The following PRKAG2 variants were observed in gnomAD, a reference collection of about 807,000 sequenced individuals.
PRKAG2 encodes the protein protein kinase AMP-activated non-catalytic subunit gamma 2.
PRKAG2 carries 26 observed loss-of-function variants against 69.6 expected under a neutral mutation model. The ratio of observed to expected loss-of-function variants is 0.37; its 90% confidence interval spans 0.27 to 0.52. The LOEUF is 0.52. Ranked by LOEUF, PRKAG2 falls within the 20% of genes least tolerant of loss-of-function variation. The probability of loss-of-function intolerance (pLI) is 0.90; values close to 1 mark genes in which losing one functional copy is unlikely to be tolerated. For missense variants in PRKAG2, 557 were observed against 740.0 expected (o/e 0.75, Z 2.87); for synonymous variants, 293 against 285.0 (o/e 1.03, Z -0.28).
At chr7:151,795,846 C>CATATATAT (rs55657994) in intron 1 of PRKAG2, among the ~76,000 whole-genome samples, 25 of 56,786 alleles carry the variant, frequency 4.4e-4, no homozygotes, top group Non-Finnish European at 7.4e-4. Flanking sequence ...AAACAAATCT[C>CATATATAT]ATATATATAT....
At chr7:151,642,075 C>T (rs1826810843) in intron 4 of PRKAG2, among the ~76,000 whole-genome samples, 1 of 149,428 alleles carries the variant, frequency 6.7e-6, no homozygotes, top group Non-Finnish European at 1.5e-5. Context: ...GTGGCTCACA[C>T]CTATAATCCC....
chr7:151,838,699 C>G (rs2079204406), intron 1 of PRKAG2, among the ~76,000 whole-genome samples: 1 of 144,114 alleles, frequency 6.9e-6, no homozygotes, highest in East Asian at 2.2e-4. Context: ...AAAGCAAGAC[C>G]CTGTTTCAAA....
Position 151,719,148 on chromosome 7 carries a change from T to C in PRKAG2, c.467-43511A>G, listed in dbSNP as rs1796641743. Among the ~76,000 whole-genome samples the C allele has an allele frequency of 6.6e-6, 1 of 152,108 alleles. No homozygotes were observed. Among genetic ancestry groups the C allele is most frequent in the African/African-American group, 2.4e-5 (1 of 41,420 alleles). On this transcript the variant is annotated intron_variant, in intron 3 of 15. Transcript: ENST00000287878. This position sits in a 1 kb window ranked among gnomAD's most constrained non-coding sequence, Gnocchi z 5.2. The stretch of plus-strand genomic sequence containing the variant: ...GCGTTGCTCCGGGAGACGAGATGTA[T>C]CTTGCAACCAGCTCAGCGGTGGAAG...
At chr7:151,680,326 G>A (rs1833664782) in intron 3 of PRKAG2, among the ~76,000 whole-genome samples, 1 of 152,202 alleles carries the variant, frequency 6.6e-6, no homozygotes, top group Non-Finnish European at 1.5e-5. Context: ...GAAGAGGTTA[G>A]ATAAATCATG....
chr7:151,810,714 G>T (rs902663818), intron 1 of PRKAG2: 4 of 153,760 alleles, frequency 2.6e-5, no homozygotes, highest in African/African-American at 9.6e-5. Context: ...CTAAGGAGCT[G>T]CAGCCATTAT....
chr7:151,674,958 T>G (rs866351031), intron 4 of PRKAG2: 2 of 223,658 alleles, frequency 8.9e-6, no homozygotes, highest in Non-Finnish European at 1.8e-5. Flanking sequence ...TCTGCTCTGT[T>G]ACATAGGGGC....
At chr7:151,754,554 T>A (rs1210958322) in intron 3 of PRKAG2, among the ~76,000 whole-genome samples, 1 of 152,182 alleles carries the variant, frequency 6.6e-6, no homozygotes, top group Non-Finnish European at 1.5e-5. Context: ...CCAGAGTCAA[T>A]CTTTTTTGTC....
At chr7:151,819,411 G>C (rs1265415116) in intron 1 of PRKAG2, among the ~76,000 whole-genome samples, 1 of 152,154 alleles carries the variant, frequency 6.6e-6, no homozygotes, top group Non-Finnish European at 1.5e-5. Flanking sequence ...GGCTGTCAGG[G>C]GGACACGCAG....
Position 151,777,144 on chromosome 7 carries a change from A to G in PRKAG2, c.466+4008T>C, listed in dbSNP as rs934023751. Reference sequence around the variant, plus strand: ...AGTCTGGGAGCTTCCTCCTGTGCAGACCACAGGCCCCAATGGAAGGGGCCA... The same window carrying G: ...AGTCTGGGAGCTTCCTCCTGTGCAGGCCACAGGCCCCAATGGAAGGGGCCA... On this transcript the variant is annotated intron_variant, in intron 3 of 15. Transcript: ENST00000287878. This position sits in a 1 kb window ranked among gnomAD's most constrained non-coding sequence, Gnocchi z 4.3. 6.6e-6 allele frequency among the ~76,000 whole-genome samples: 1 copy of G among 152,054 alleles called. No homozygotes were observed. The highest frequency in any genetic ancestry group is 1.5e-5 in the Non-Finnish European group (1 of 67,988).
At chr7:151,592,386 G>C (rs980956134) in intron 6 of PRKAG2, among the ~76,000 whole-genome samples, 1 of 152,176 alleles carries the variant, frequency 6.6e-6, no homozygotes, top group Non-Finnish European at 1.5e-5. Context: ...GTATTAAACC[G>C]AGGGGAATCT....
intron 3 of PRKAG2, among the ~76,000 whole-genome samples, chr7:151,730,191 C>T (rs920639316): frequency 3.3e-5 from 5 of 152,216 alleles, no homozygotes; most frequent in Non-Finnish European, 7.3e-5. Context: ...CATTCATCTA[C>T]CCACTCTCAC....
At chr7:151,794,516 G>A (rs922773277) in intron 1 of PRKAG2, among the ~76,000 whole-genome samples, 3 of 152,254 alleles carry the variant, frequency 2.0e-5, no homozygotes, top group Non-Finnish European at 2.9e-5. Context: ...ACTGGGCATG[G>A]CGAGGGCCGC....
intron 4 of PRKAG2, among the ~76,000 whole-genome samples, chr7:151,650,637 T>C (rs1329541388): frequency 6.6e-6 from 1 of 152,186 alleles, no homozygotes; most frequent in African/African-American, 2.4e-5. Flanking sequence ...CACTAAGGCG[T>C]CATTTGCTTT....
rs1352074982 is a variant in PRKAG2 at position 151,814,562 on chromosome 7, A to G, written c.115-28021T>C. 1.6e-6 allele frequency: 2 copies of G among 1,231,602 alleles called. No individual in the cohort carries two copies. Among genetic ancestry groups the G allele is most frequent in the Non-Finnish European group, 2.0e-6 (2 of 987,996 alleles). 76.3% of individuals were successfully genotyped at this position (1,231,602 alleles called of 1,614,324 possible). A position where few individuals can be genotyped will look rare whatever the true frequency, so the allele number is the denominator to read the frequency against. ...TCCTGCTGCCTCACTCGAAAGGTCC[A>G]TCAGAGAAGGGGTTTCCCAGCCCCT... On this transcript the variant is annotated intron_variant, in intron 1 of 15. Transcript: ENST00000287878. This position sits in a 1 kb window ranked among gnomAD's most constrained non-coding sequence, Gnocchi z 4.8.
At chr7:151,855,003 C>T (rs1586727408) in intron 1 of PRKAG2, among the ~76,000 whole-genome samples, 1 of 16,084 alleles carries the variant, frequency 6.2e-5, no homozygotes, top group Admixed American at 6.1e-4. Flanking sequence ...CACCATGCTC[C>T]ACACACACCA....
chr7:151,575,086 T>C, intron 7 of PRKAG2, 137 bp from the exon 8 acceptor site: 2 of 1,290,620 alleles, frequency 1.5e-6, no homozygotes, highest in Non-Finnish European at 2.1e-6. Context: ...GTTTAATATA[T>C]TATTTAAAAC....
At chr7:151,731,409 T>C (rs966023206) in intron 3 of PRKAG2, among the ~76,000 whole-genome samples, 1 of 152,186 alleles carries the variant, frequency 6.6e-6, no homozygotes, top group East Asian at 1.9e-4. Context: ...CGGGTGAACA[T>C]TTCCAGCGAC....
chr7:151,796,922 G>A (rs2077570735), intron 1 of PRKAG2, among the ~76,000 whole-genome samples: 1 of 152,184 alleles, frequency 6.6e-6, no homozygotes, highest in African/African-American at 2.4e-5. Flanking sequence ...GACAGGGTGT[G>A]AAAAGGCCAG....
intron 3 of PRKAG2, among the ~76,000 whole-genome samples, chr7:151,759,120 C>A (rs1005852454): frequency 5.9e-5 from 9 of 152,168 alleles, no homozygotes; most frequent in Non-Finnish European, 1.2e-4. Flanking sequence ...TGACCTCACT[C>A]CAGCACCTGC....
Sources: allele counts gnomAD v4.1 joint callset (sites outside exome capture counted in the v4.1 genomes callset), GRCh38; gene constraint gnomAD v4.1.1; non-coding constraint Gnocchi (gnomAD v3.1); transcripts MANE v1.5; gene names NCBI Gene and HGNC (gene_info 2026-07-23, HGNC 2026-07-21).